Variants in USP34 observed in about 807,000 individuals in gnomAD.
USP34 encodes the protein ubiquitin specific peptidase 34.
A neutral mutation model predicts 460.3 loss-of-function variants in USP34; 70 were observed. That is an observed-to-expected ratio of 0.15 (90% CI 0.13 to 0.19). The LOEUF (loss-of-function observed/expected upper bound fraction) is 0.19. Among genes scored for constraint, USP34 ranks in the 10% least tolerant of loss-of-function variants. The pLI is 1.00. For synonymous variants in USP34, 1,647 were observed against 1,405.3 expected, an observed-to-expected ratio of 1.17 and a Z score of -3.85; for missense variants, 3,985 against 4,236.2, an observed-to-expected ratio of 0.94 and a Z score of 1.65.
intron 8 of USP34, among the ~76,000 whole-genome samples, chr2:61,377,698 T>C (rs1226898008): frequency 6.6e-6 from 1 of 152,164 alleles, no homozygotes; most frequent in Admixed American, 6.5e-5. Context: ...TCCAGAACTA[T>C]GGGAAATAAA....
chr2:61,352,511 C>T (rs1691969495), intron 10 of USP34, among the ~76,000 whole-genome samples: 1 of 151,446 alleles, frequency 6.6e-6, no homozygotes, highest in Non-Finnish European at 1.5e-5. Flanking sequence ...TTGTTTTATA[C>T]AGATGAAGTC....
In USP34 at chr2:61,456,102, T is replaced by TA. The variant is rs200255733; in HGVS notation, c.43+14547dup. On this transcript the variant is annotated intron_variant, in intron 1 of 79. Coordinates refer to ENST00000398571, the MANE Select transcript of USP34 (RefSeq NM_014709.4). ...TGCTTTACACAAGTGTTTATGTTTT[T>TA]AAAAAAACAAATATTTAAACAGAGT... is the stretch of plus-strand genomic sequence containing the variant. Among the ~76,000 whole-genome samples, 525 of 152,266 alleles carry TA rather than the reference T, an allele frequency of 3.4e-3. 2 individuals carry two copies. The highest frequency in any genetic ancestry group is 0.011 in the African/African-American group (449 of 41,558).
At chr2:61,432,244 T>C (rs921714205) in intron 1 of USP34, among the ~76,000 whole-genome samples, 12 of 151,526 alleles carry the variant, frequency 7.9e-5, no homozygotes, top group Non-Finnish European at 1.3e-4. Context: ...GTGGCCAAGG[T>C]GGGCAGATGG....
In USP34 at chr2:61,188,579, A is replaced by G. The variant is rs763577347; in HGVS notation, c.10164T>C (p.Asn3388=). The change falls in exon 80 of 80, where the codon AAT becomes AAC. Residue 3388 remains asparagine (N), a synonymous_variant. Coordinates refer to ENST00000398571, the MANE Select transcript of USP34 (RefSeq NM_014709.4). ...EVLTPTSTSD[N]ETRDSSIIDP... is the part of the protein sequence containing the mutation. ...CAATAATTGAGGAGTCTCTGGTCTC[A>G]TTGTCAGAAGTGCTCGTTGGGGTCA... 6.2e-7 allele frequency: 1 copy of G among 1,614,160 alleles called. No homozygotes were observed. The highest frequency in any genetic ancestry group is 8.5e-7 in the Non-Finnish European group (1 of 1,180,022).
In USP34 at chr2:61,435,275, T is replaced by C. The variant is rs1694779795; in HGVS notation, c.44-14442A>G. 2.4e-5 allele frequency among the ~76,000 whole-genome samples: 3 copies of C among 127,388 alleles called. No homozygotes were observed. In the Admixed American group the frequency reaches 2.9e-4, roughly 12 times the overall value. 83.6% of individuals were successfully genotyped at this position (127,388 alleles called of 152,430 possible). A position where few individuals can be genotyped will look rare whatever the true frequency, so the allele number is the denominator to read the frequency against. On this transcript the variant is annotated intron_variant, in intron 1 of 79. Coordinates refer to ENST00000398571, the MANE Select transcript of USP34 (RefSeq NM_014709.4). ...GCTTTAATTGCGCCACTGTATTCTA[T>C]CTAGCCTGGGCAACAGAGTGAGACC... is the stretch of plus-strand genomic sequence containing the variant.
chr2:61,201,554 A>G (rs1320782062), intron 75 of USP34, among the ~76,000 whole-genome samples: 1 of 152,186 alleles, frequency 6.6e-6, no homozygotes, highest in African/African-American at 2.4e-5. Context: ...ATAGAGAACT[A>G]AACCCTATGA....
intron 1 of USP34, among the ~76,000 whole-genome samples, chr2:61,453,577 G>C (rs1468616252): frequency 6.6e-6 from 1 of 151,754 alleles, no homozygotes; most frequent in Non-Finnish European, 1.5e-5. Context: ...AGGCATGGTG[G>C]TGCGTGCCTG....
chr2:61,282,222 C>T (rs1415888920), intron 37 of USP34, among the ~76,000 whole-genome samples: 1 of 152,164 alleles, frequency 6.6e-6, no homozygotes, highest in Non-Finnish European at 1.5e-5. Context: ...CATTCCTGAC[C>T]TCATGTGATC....
intron 30 of USP34, among the ~76,000 whole-genome samples, chr2:61,295,916 G>A (rs1422953768): frequency 1.3e-5 from 2 of 152,168 alleles, no homozygotes; most frequent in Admixed American, 1.3e-4. Context: ...ATCCTGTAGA[G>A]TTCTTTCGGA....
rs72886812 is a variant in USP34, at chr2:61,276,018, A to G, written c.5433+2147T>C. ...TATTCAAAATAAATAACTTTTACAAATGAATGGGAAACCATATACTGACTG... is the reference window on the plus strand; with the variant it reads ...TATTCAAAATAAATAACTTTTACAAGTGAATGGGAAACCATATACTGACTG... On this transcript the variant is annotated intron_variant, in intron 41 of 79. Coordinates refer to ENST00000398571, the MANE Select transcript of USP34 (RefSeq NM_014709.4). Among the ~76,000 whole-genome samples the G allele has an allele frequency of 4.9e-3, 743 of 152,370 alleles. 9 individuals are homozygous for G. The highest frequency in any genetic ancestry group is 0.016 in the African/African-American group (678 of 41,602).
chr2:61,384,864 C>G (rs1412749905), intron 5 of USP34, among the ~76,000 whole-genome samples: 1 of 151,686 alleles, frequency 6.6e-6, no homozygotes, highest in Non-Finnish European at 1.5e-5. Context: ...AACTGAAGGA[C>G]CTAGACAATA....
At chr2:61,424,590 CAAGAA>C (rs1189296364) in intron 1 of USP34, among the ~76,000 whole-genome samples, 7 of 152,160 alleles carry the variant, frequency 4.6e-5, no homozygotes, top group Non-Finnish European at 8.8e-5. Context: ...AAAAAATGAT[CAAGAA>C]AAGAAATGTT....
At chr2:61,454,864 TTTTTTC>T (rs1375432618) in intron 1 of USP34, among the ~76,000 whole-genome samples, 10 of 94,024 alleles carry the variant, frequency 1.1e-4, no homozygotes, top group Middle Eastern at 6.3e-3. Context: ...GTGGGGTTTT[TTTTTTC>T]TTTTTTTTTT....
intron 1 of USP34, among the ~76,000 whole-genome samples, chr2:61,461,124 C>T (rs921148296): frequency 2.0e-5 from 3 of 152,002 alleles, no homozygotes; most frequent in African/African-American, 7.2e-5. Flanking sequence ...GGCAGGGTGG[C>T]TCACAACTGT....
At chr2:61,247,994 C>A (rs1301916428) in intron 49 of USP34, among the ~76,000 whole-genome samples, 1 of 152,008 alleles carries the variant, frequency 6.6e-6, no homozygotes, top group East Asian at 1.9e-4. Context: ...CGAGACCAAC[C>A]TAGCCAACAC....
At chr2:61,376,734 T>TGG (rs67210923) in intron 8 of USP34, among the ~76,000 whole-genome samples, 1 of 151,680 alleles carries the variant, frequency 6.6e-6, no homozygotes, top group East Asian at 1.9e-4. Flanking sequence ...CTGCAATCTC[T>TGG]GTCTCCGGGT....
At chr2:61,287,620 T>A (rs1412344135) in intron 34 of USP34, among the ~76,000 whole-genome samples, 2 of 152,198 alleles carry the variant, frequency 1.3e-5, no homozygotes, top group Non-Finnish European at 2.9e-5. Context: ...TGATGACCCA[T>A]TTCCACTTGA....
chr2:61,283,334 A>G, intron 36 of USP34, 65 bp from the exon 37 acceptor site: 1 of 1,581,532 alleles, frequency 6.3e-7, no homozygotes, highest in Non-Finnish European at 8.6e-7. Flanking sequence ...CACAATGTTC[A>G]ATATTAAAGG....
chr2:61,343,990 A>G lies in USP34; in HGVS notation c.2325T>C (p.Ser775=). 2.5e-6 allele frequency: 4 copies of G among 1,613,904 alleles called. No homozygotes were observed. The highest frequency in any genetic ancestry group is 2.2e-5 in the East Asian group (1 of 44,816). ...VDDMLSADDV[S]CSSSQVSAKS... ...TTGCACTAACCTGGGAGCTACTACA[A>G]CTGACATCATCTGCACTTAGCATAT... The change falls in exon 16 of 80, where the codon AGT becomes AGC. Residue 775 remains serine (S), a synonymous_variant. Transcript: ENST00000398571.
Sources: gnomAD v4.1 joint callset for allele counts (sites outside exome capture counted in the v4.1 genomes callset) on GRCh38, gnomAD v4.1.1 for gene constraint, MANE v1.5 for transcripts, NCBI Gene and HGNC (gene_info 2026-07-23, HGNC 2026-07-21) for gene names.